Variants in PRKCE observed in about 807,000 individuals in gnomAD.
PRKCE encodes protein kinase C epsilon type.
A neutral mutation model predicts 85.4 loss-of-function variants in PRKCE; 16 were observed. The observed-to-expected ratio is 0.19, with a 90% CI of 0.13 to 0.28. The LOEUF is 0.28. PRKCE is among the 10% of genes least tolerant of loss of function. The pLI is 1.00. For missense variants in PRKCE, 573 were observed against 975.2 expected, an observed-to-expected ratio of 0.59 and a Z score of 5.49; for synonymous variants, 388 against 371.5, an observed-to-expected ratio of 1.04 and a Z score of -0.51.
chr2:46,179,657 A>G (rs1679777791), intron 14 of PRKCE, among the ~76,000 whole-genome samples: 2 of 152,206 alleles, frequency 1.3e-5, no homozygotes, highest in African/African-American at 4.8e-5. Flanking sequence ...GAATTTTCCC[A>G]AACCCTGGTC....
chr2:46,011,769 TAC>T (rs1414398509), intron 10 of PRKCE, among the ~76,000 whole-genome samples: 1 of 151,752 alleles, frequency 6.6e-6, no homozygotes, highest in Non-Finnish European at 1.5e-5. Flanking sequence ...ATCTCTCTCT[TAC>T]ACACACATAC....
intron 1 of PRKCE, among the ~76,000 whole-genome samples, chr2:45,797,924 A>G (rs1175684196): frequency 6.6e-6 from 1 of 152,242 alleles, no homozygotes; most frequent in African/African-American, 2.4e-5. Context: ...CACATTGCCA[A>G]CATAACAAAA....
intron 11 of PRKCE, among the ~76,000 whole-genome samples, chr2:46,095,914 C>T (rs1446056479): frequency 6.6e-6 from 1 of 152,234 alleles, no homozygotes; most frequent in Non-Finnish European, 1.5e-5. Flanking sequence ...ATTCTAAACA[C>T]TTTGCACATG....
chr2:45,996,320 T>A (rs1043655316), intron 6 of PRKCE, among the ~76,000 whole-genome samples: 2 of 152,162 alleles, frequency 1.3e-5, no homozygotes, highest in Non-Finnish European at 2.9e-5. Context: ...TTTTATAGTT[T>A]TATTTCTTCC....
At position 46,186,870 on chromosome 2, in the gene PRKCE, G is replaced by T. The variant is rs918039515; in HGVS notation, c.*1989G>T. 1.3e-5 allele frequency: 2 copies of T among 152,520 alleles called. No homozygotes were observed. The highest frequency in any genetic ancestry group is 2.9e-5 in the Non-Finnish European group (2 of 68,016). The allele number at this position is 152,520 out of a possible 1,614,324, so 9.4% of individuals were successfully genotyped here. On this transcript the variant is annotated 3_prime_UTR_variant, in exon 15 of 15. Transcript: ENST00000306156. ...TTGTTTTTATTTTTTAAAAACTCAG[G>T]TGTAATTATTATCTGTTCTTAAGAT...
At chr2:46,098,926 G>A (rs1670954354) in intron 11 of PRKCE, among the ~76,000 whole-genome samples, 1 of 152,146 alleles carries the variant, frequency 6.6e-6, no homozygotes, top group African/African-American at 2.4e-5. Context: ...CAGGCTGGAG[G>A]TGGGGTGAGG....
chr2:46,096,052 C>G (rs993056100), intron 11 of PRKCE, among the ~76,000 whole-genome samples: 1 of 152,232 alleles, frequency 6.6e-6, no homozygotes, highest in Admixed American at 6.5e-5. Flanking sequence ...TCAGGTCACC[C>G]TGTCCTCTCT....
chr2:45,723,900 G>A (rs1680836582), intron 1 of PRKCE, among the ~76,000 whole-genome samples: 3 of 152,186 alleles, frequency 2.0e-5, no homozygotes. Flanking sequence ...ACTGCAACCA[G>A]CCCAATACAT....
chr2:45,883,044 A>C (rs1694995680), intron 2 of PRKCE, among the ~76,000 whole-genome samples: 1 of 151,776 alleles, frequency 6.6e-6, no homozygotes. Flanking sequence ...TCTGGGCTTA[A>C]ATTTTAGTTG....
intron 1 of PRKCE, among the ~76,000 whole-genome samples, chr2:45,747,299 A>G (rs1683217327): frequency 6.6e-6 from 1 of 152,068 alleles, no homozygotes; most frequent in African/African-American, 2.4e-5. Context: ...TTGTACATGC[A>G]CTCTCCAGAA....
At chr2:45,691,682 GC>G (rs1171209233) in intron 1 of PRKCE, among the ~76,000 whole-genome samples, 2 of 152,072 alleles carry the variant, frequency 1.3e-5, no homozygotes, top group Non-Finnish European at 2.9e-5. Context: ...CCCTCCCCAC[GC>G]CCCCTTTAAT....
chr2:46,001,614 G>A lies in PRKCE; in HGVS notation c.966+68G>A. ...TAGCATTTCTGTGCTGACTTCCAGAGGGTGCTCTGGAGTGAGGTAATAAGA... is the reference window on the plus strand; with the variant it reads ...TAGCATTTCTGTGCTGACTTCCAGAAGGTGCTCTGGAGTGAGGTAATAAGA... On this transcript the variant is annotated intron_variant, in intron 7 of 14. Transcript: ENST00000306156. The surrounding 1 kb of genome is among the most constrained non-coding windows in gnomAD (Gnocchi z 4.4). The A allele has an allele frequency of 6.5e-7, 1 of 1,527,222 alleles. No individual in the cohort carries two copies. The highest frequency in any genetic ancestry group is 8.8e-7 in the Non-Finnish European group (1 of 1,137,076). The allele number at this position is 1,527,222 out of a possible 1,614,324, so 94.6% of individuals were successfully genotyped here.
intron 11 of PRKCE, among the ~76,000 whole-genome samples, chr2:46,103,748 T>C (rs1005898016): frequency 3.9e-5 from 6 of 152,098 alleles, no homozygotes; most frequent in African/African-American, 1.4e-4. Context: ...GAAAAGAAAA[T>C]ATTTATAGAA....
intron 1 of PRKCE, among the ~76,000 whole-genome samples, chr2:45,815,366 C>G (rs1356046243): frequency 1.3e-5 from 2 of 152,182 alleles, no homozygotes; most frequent in Admixed American, 1.3e-4. Flanking sequence ...ATTCTGAATC[C>G]TTTGTTCTCC....
intron 11 of PRKCE, among the ~76,000 whole-genome samples, chr2:46,126,578 GC>G (rs1673883472): frequency 6.6e-6 from 1 of 152,158 alleles, no homozygotes; most frequent in Non-Finnish European, 1.5e-5. Flanking sequence ...AATAGGCATA[GC>G]TTTTATTTGA....
At chr2:46,156,166 A>G (rs1315261175) in intron 13 of PRKCE, among the ~76,000 whole-genome samples, 1 of 151,096 alleles carries the variant, frequency 6.6e-6, no homozygotes, top group Non-Finnish European at 1.5e-5. Flanking sequence ...CATAGCCTCC[A>G]GGGTTCTGCA....
chr2:45,879,809 A>G (rs538275550), intron 2 of PRKCE, among the ~76,000 whole-genome samples: 152 of 152,364 alleles, frequency 1.0e-3, no homozygotes, highest in South Asian at 7.5e-3. Context: ...GTTTTGATAC[A>G]TCTATTGTAT....
chr2:45,971,832 C>T (rs1702130009), intron 2 of PRKCE, among the ~76,000 whole-genome samples: 1 of 152,128 alleles, frequency 6.6e-6, no homozygotes, highest in African/African-American at 2.4e-5. Flanking sequence ...GTGATGAATA[C>T]ACCATATATT....
At chr2:45,849,512 A>T (rs1386007688) in intron 2 of PRKCE, among the ~76,000 whole-genome samples, 3 of 152,292 alleles carry the variant, frequency 2.0e-5, no homozygotes, top group Admixed American at 1.3e-4. Flanking sequence ...TCAGTCTTTA[A>T]TAAGAAATGT....
Sources: gnomAD v4.1 joint callset for allele counts (sites outside exome capture counted in the v4.1 genomes callset) on GRCh38, gnomAD v4.1.1 for gene constraint, Gnocchi (gnomAD v3.1) non-coding constraint, MANE v1.5 for transcripts, NCBI Gene and HGNC (gene_info 2026-07-23, HGNC 2026-07-21) for gene names.